The following CHD8 variants were observed in gnomAD, a reference collection of about 807,000 sequenced individuals.
CHD8 encodes the protein ATP-dependent chromatin remodeler CHD8.
CHD8 carries 31 observed loss-of-function variants against 279.2 expected under a neutral mutation model. The ratio of observed to expected loss-of-function variants is 0.11; its 90% CI spans 0.08 to 0.15. CHD8 has a LOEUF of 0.15. CHD8 is among the 10% of genes least tolerant of loss of function. CHD8 has a pLI of 1.00. For missense variants in CHD8, 2,146 were observed against 3,230.5 expected (o/e 0.66, Z 8.14); for synonymous variants, 1,081 against 1,139.6 (o/e 0.95, Z 1.04).
chr14:21,436,828 G>A, intron 1 of CHD8: 1 of 520,432 alleles, frequency 1.9e-6, no homozygotes, highest in South Asian at 1.5e-5. Context: ...GAAAGGGCGA[G>A]GTGAGGAAGT....
At chr14:21,435,004 T>C (rs1018548588) in intron 1 of CHD8, among the ~76,000 whole-genome samples, 4 of 152,198 alleles carry the variant, frequency 2.6e-5, no homozygotes, top group African/African-American at 9.7e-5. Flanking sequence ...TAAGTTGGTT[T>C]CAATGCAAAG....
At chr14:21,409,034 T>C (rs1181722251) in intron 11 of CHD8, among the ~76,000 whole-genome samples, 1 of 152,208 alleles carries the variant, frequency 6.6e-6, no homozygotes, top group African/African-American at 2.4e-5. Context: ...CACAACCTGA[T>C]GGAAGGACAC....
intron 33 of CHD8, 132 bp downstream of exon 33, chr14:21,392,974 G>GGAA: frequency 3.2e-6 from 3 of 942,728 alleles, no homozygotes; most frequent in African/African-American, 3.5e-5. Flanking sequence ...AAGTTTCCTG[G>GGAA]AAAAAAAAAA....
chr14:21,394,527 A>G, intron 30 of CHD8, 42 bp from the exon 31 acceptor site: 2 of 1,376,480 alleles, frequency 1.5e-6, no homozygotes, highest in Non-Finnish European at 2.0e-6. Flanking sequence ...AGAAGAACAC[A>G]TCAGAAGAAC....
At chr14:21,410,576 C>T (rs529884493) in intron 10 of CHD8, among the ~76,000 whole-genome samples, 2 of 152,320 alleles carry the variant, frequency 1.3e-5, no homozygotes, top group South Asian at 2.1e-4. Context: ...AGTTCAACTA[C>T]AGTAAGTACT....
chr14:21,401,924 G>T (rs778075490), intron 20 of CHD8, 33 bp downstream of exon 20: 45 of 1,563,192 alleles, frequency 2.9e-5, no homozygotes, highest in Non-Finnish European at 3.9e-5. Flanking sequence ...CGGTCTCTGT[G>T]TTTTTCTAGC....
chr14:21,396,217 A>G (rs1359283999), intron 27 of CHD8, among the ~76,000 whole-genome samples: 1 of 151,982 alleles, frequency 6.6e-6, no homozygotes, highest in African/African-American at 2.4e-5. Flanking sequence ...GCTCATCTCA[A>G]ATTCCTGGGC....
At chr14:21,419,316 C>T (rs11846401) in intron 5 of CHD8, among the ~76,000 whole-genome samples, 3,404 of 152,160 alleles carry the variant, frequency 0.022, 135 homozygotes, top group African/African-American at 0.077. Flanking sequence ...CCTAGCGCTT[C>T]GGGAGGCCGA....
intron 5 of CHD8, among the ~76,000 whole-genome samples, chr14:21,423,610 C>G (rs886474487): frequency 2.0e-5 from 3 of 152,038 alleles, no homozygotes; most frequent in African/African-American, 7.2e-5. Context: ...GATCACAGCT[C>G]ACTGCAGCCT....
chr14:21,444,694 AC>A (rs1324878893), intron 1 of CHD8, among the ~76,000 whole-genome samples: 1 of 151,928 alleles, frequency 6.6e-6, no homozygotes, highest in Non-Finnish European at 1.5e-5. Context: ...AATCTATTTA[AC>A]CACTTTTTTA....
In CHD8 at chr14:21,403,022, G is replaced by A. The variant is rs377699276; in HGVS notation, c.3709C>T (p.Leu1237=). Residue 1237 remains leucine, a synonymous_variant, in exon 18 of 38, where the codon CTG becomes TTG. Transcript: ENST00000646647. The surrounding 1 kb of genome is among the most constrained non-coding windows in gnomAD (Gnocchi z 4.3). ...AAGACAATGAATTCCTTTACCTGCA[G>A]GTCATTTTGTGGATTCCAGTCTGAA... ...FDSDWNPQND[L]QAQARCHRIG... is the part of the protein sequence containing the mutation. The A allele has an allele frequency of 1.1e-5, 17 of 1,612,522 alleles. No individual in the cohort carries two copies. The highest frequency in any genetic ancestry group is 1.4e-5 in the Non-Finnish European group (16 of 1,178,856).
chr14:21,397,790 T>G (rs1385075534), intron 27 of CHD8, 33 bp downstream of exon 27: 1 of 1,605,226 alleles, frequency 6.2e-7, no homozygotes, highest in Non-Finnish European at 8.5e-7. Flanking sequence ...CGGCACAAGT[T>G]AGAGTTTTAA....
chr14:21,431,685 G>C lies in CHD8; in HGVS notation c.-42C>G. On this transcript the variant is annotated 5_prime_UTR_variant, in exon 2 of 38. Transcript: ENST00000646647. The stretch of plus-strand genomic sequence containing the variant: ...AGGGTACTTCTCCAAGGTCTAGGGA[G>C]GGAAGGGGAGGGGGGGTACTGGCTC... The C allele has an allele frequency of 1.3e-6, 2 of 1,587,356 alleles. No individual in the cohort carries two copies. The highest frequency in any genetic ancestry group is 1.7e-6 in the Non-Finnish European group (2 of 1,167,626).
chr14:21,434,903 T>C (rs1889716839), intron 1 of CHD8, among the ~76,000 whole-genome samples: 1 of 152,212 alleles, frequency 6.6e-6, no homozygotes, highest in South Asian at 2.1e-4. Flanking sequence ...CTATTTATTC[T>C]ACCAAGCTCA....
At position 21,391,823 on chromosome 14, in the gene CHD8, TACCACTCA is replaced by T; in HGVS notation, c.6885+2_6885+9del. 6.3e-7 allele frequency: 1 copy of T among 1,593,690 alleles called. No homozygotes were observed. The highest frequency in any genetic ancestry group is 8.6e-7 in the Non-Finnish European group (1 of 1,161,284). ...TAATCGTCAGGTTAAAGACTTTCTCTACCACTCACCTCTACTAGCTTCTTTCTGTTCCC... is the reference window on the plus strand; with the variant it reads ...TAATCGTCAGGTTAAAGACTTTCTCTCCTCTACTAGCTTCTTTCTGTTCCC... On this transcript the variant is annotated splice_donor_variant and splice_donor_5th_base_variant and intron_variant, in intron 35 of 37. Transcript: ENST00000646647. LOFTEE classifies it high-confidence loss of function.
chr14:21,412,572 A>G (rs1888548614), intron 10 of CHD8, among the ~76,000 whole-genome samples: 1 of 152,080 alleles, frequency 6.6e-6, no homozygotes, highest in Non-Finnish European at 1.5e-5. Flanking sequence ...TATATTCACA[A>G]ATTTAGGAAT....
chr14:21,393,882 T>C lies in CHD8; in HGVS notation c.5913A>G (p.Gly1971=). 1 of 1,613,968 alleles carries C rather than the reference T, an allele frequency of 6.2e-7. No individual in the cohort carries two copies. The highest frequency in any genetic ancestry group is 8.5e-7 in the Non-Finnish European group (1 of 1,179,882). ...AGCGTGACAAGGATGGAGCTGGTGC[T>C]CCTGCTTGATGGTTCTGCATATAAT... ...RMNYMQNHQA[G]APAPSLSRCS... The change falls in exon 32 of 38, where the codon GGA becomes GGG. Residue 1971 remains glycine, a synonymous_variant. Transcript: ENST00000646647.
At chr14:21,426,047 C>G (rs758872364) in intron 5 of CHD8, 81 bp downstream of exon 5, 20 of 843,378 alleles carry the variant, frequency 2.4e-5, no homozygotes, top group Middle Eastern at 2.2e-4. Flanking sequence ...TATAGACTTA[C>G]GATTTCTCAA....
intron 1 of CHD8, among the ~76,000 whole-genome samples, chr14:21,445,197 C>T (rs1195621657): frequency 1.3e-5 from 2 of 152,204 alleles, no homozygotes; most frequent in African/African-American, 4.8e-5. Flanking sequence ...GTTCATTTCC[C>T]TAGACTACTG....
Sources: allele counts gnomAD v4.1 joint callset (sites outside exome capture counted in the v4.1 genomes callset), GRCh38; gene constraint gnomAD v4.1.1; non-coding constraint Gnocchi (gnomAD v3.1); transcripts MANE v1.5; gene names NCBI Gene and HGNC (gene_info 2026-07-23, HGNC 2026-07-21).